ADD2: variants seen among roughly 807,000 people sequenced by gnomAD.
ADD2 encodes adducin 2.
ADD2 carries 23 observed loss-of-function variants against 83.0 expected under a neutral mutation model. The observed-to-expected ratio is 0.28, with a 90% confidence interval of 0.20 to 0.39. The LOEUF (loss-of-function observed/expected upper bound fraction) is 0.39. ADD2 is among the 10% of genes least tolerant of loss of function. ADD2 has a pLI of 1.00. For missense variants in ADD2, 758 were observed against 944.9 expected (o/e 0.80, Z 2.59); for synonymous variants, 375 against 375.4 (o/e 1.00, Z 0.01).
Position 70,663,424 on chromosome 2 carries a change from ATCAGGAC to A in ADD2, c.2175_2181del (p.Glu725AspfsTer3), listed in dbSNP as rs781852208. Reference sequence around the variant, plus strand: ...AGGAGGGAGCCCAAGGGTGTCATGAATCAGGACTCCACTTTCTCCTTCTTTTTGCTCT... The same window carrying A: ...AGGAGGGAGCCCAAGGGTGTCATGAATCCACTTTCTCCTTCTTTTTGCTCT... On this transcript the variant is annotated frameshift_variant and stop_lost, in exon 16 of 16. Transcript: ENST00000264436. LOFTEE classifies it high-confidence loss of function. The A allele has an allele frequency of 3.1e-6, 5 of 1,611,644 alleles. No homozygotes were observed. In the African/African-American group the frequency reaches 6.7e-5, roughly 22 times the overall value.
chr2:70,756,284 G>C (rs1303210694), intron 1 of ADD2, among the ~76,000 whole-genome samples: 1 of 152,062 alleles, frequency 6.6e-6, no homozygotes, highest in Non-Finnish European at 1.5e-5. Context: ...TCAATCACTA[G>C]ATGGGTGTTC....
At chr2:70,747,888 G>A (rs1166039812) in intron 1 of ADD2, among the ~76,000 whole-genome samples, 5 of 152,178 alleles carry the variant, frequency 3.3e-5, no homozygotes, top group East Asian at 3.9e-4. Context: ...ATTGTTTTTT[G>A]TATAGTAGGT....
chr2:70,695,869 G>T, intron 5 of ADD2, 68 bp from the exon 6 acceptor site: 1 of 1,368,838 alleles, frequency 7.3e-7, no homozygotes, highest in Non-Finnish European at 1.0e-6. Flanking sequence ...CACTGTGCTT[G>T]AATCCCCTCT....
chr2:70,766,011 T>C (rs1367883345), intron 1 of ADD2, among the ~76,000 whole-genome samples: 2 of 152,218 alleles, frequency 1.3e-5, no homozygotes, highest in Non-Finnish European at 2.9e-5. Flanking sequence ...ACTGTTAACC[T>C]TAAGAATAGC....
chr2:70,683,699 G>GGGCC lies in ADD2; in HGVS notation c.1013_1016dup (p.His340AlafsTer3). The GGGCC allele has an allele frequency of 6.2e-7, 1 of 1,614,156 alleles. No individual in the cohort carries two copies. Among genetic ancestry groups the GGGCC allele is most frequent in the Non-Finnish European group, 8.5e-7 (1 of 1,180,008 alleles). On this transcript the variant is annotated frameshift_variant, in exon 10 of 16. Coordinates refer to ENST00000264436, the MANE Select transcript of ADD2 (RefSeq NM_001617.4). LOFTEE classifies it high-confidence loss of function. ...CCCACTGCACGGAGCCCACCTCATG[G>GGGCC]GGCCGGTGCTTCTCCTGCTCCAGGA...
chr2:70,714,925 G>C (rs889903057), intron 1 of ADD2, among the ~76,000 whole-genome samples: 5 of 152,152 alleles, frequency 3.3e-5, no homozygotes, highest in Non-Finnish European at 5.9e-5. Context: ...CACCATTCTT[G>C]TAAGAAAGCA....
intron 1 of ADD2, among the ~76,000 whole-genome samples, chr2:70,755,057 G>T (rs1380061868): frequency 6.6e-6 from 1 of 151,980 alleles, no homozygotes; most frequent in African/African-American, 2.4e-5. Flanking sequence ...ATGTGACCTT[G>T]CCCCTGCCTG....
At chr2:70,747,007 A>ATTTTTTTTT (rs34113265) in intron 1 of ADD2, among the ~76,000 whole-genome samples, 2 of 121,226 alleles carry the variant, frequency 1.6e-5, no homozygotes, top group African/African-American at 3.3e-5. Flanking sequence ...TCCAATATGG[A>ATTTTTTTTT]TTTTTTTTTT....
At chr2:70,666,292 C>T (rs977545814) in intron 15 of ADD2, among the ~76,000 whole-genome samples, 6 of 152,220 alleles carry the variant, frequency 3.9e-5, no homozygotes, top group Admixed American at 6.5e-5. Flanking sequence ...TTATTCTAAC[C>T]AAGCCAATAT....
chr2:70,713,056 G>T lies in ADD2; in HGVS notation c.-35+10C>A. The stretch of plus-strand genomic sequence containing the variant: ...ACCCCCGTCACCACCAGAAACTACT[G>T]CTTACTTACCGGGAGGCTGGCCCAG... On this transcript the variant is annotated intron_variant, in intron 2 of 15. Transcript: ENST00000264436. 1 of 981,132 alleles carries T rather than the reference G, an allele frequency of 1.0e-6. No homozygotes were observed. Among genetic ancestry groups the T allele is most frequent in the Non-Finnish European group, 1.2e-6 (1 of 826,070 alleles). 60.8% of individuals were successfully genotyped at this position (981,132 alleles called of 1,614,324 possible).
intron 1 of ADD2, among the ~76,000 whole-genome samples, chr2:70,761,663 C>T (rs1390168292): frequency 7.0e-6 from 1 of 142,094 alleles, no homozygotes; most frequent in African/African-American, 2.6e-5. Flanking sequence ...TATGAAAGAA[C>T]AAATAGACAC....
chr2:70,678,029 T>C (rs2104242328), intron 11 of ADD2, 152 bp from the exon 12 acceptor site: 1 of 1,054,478 alleles, frequency 9.5e-7, no homozygotes, highest in East Asian at 2.5e-5. Flanking sequence ...CTCTTTGATG[T>C]CTGTCTCCAG....
In ADD2 at chr2:70,745,272, C is replaced by A. The variant is rs142335043; in HGVS notation, c.-154+22614G>T. 6.6e-5 allele frequency among the ~76,000 whole-genome samples: 10 copies of A among 151,890 alleles called. 1 individual carries two copies. The East Asian group carries it at 1.4e-3, about 21-fold the overall frequency. ...CTGCACTCCAGCCTGGGCGACAGAG[C>A]GATACTCCGTCTCAAAATAAAAAAA... On this transcript the variant is annotated intron_variant, in intron 1 of 15. Transcript: ENST00000264436.
At chr2:70,722,803 A>C (rs1672795837) in intron 1 of ADD2, among the ~76,000 whole-genome samples, 1 of 152,188 alleles carries the variant, frequency 6.6e-6, no homozygotes. Context: ...GATGAGATAA[A>C]AATGGAAATT....
chr2:70,717,162 A>G (rs1486563591), intron 1 of ADD2, among the ~76,000 whole-genome samples: 2 of 152,016 alleles, frequency 1.3e-5, no homozygotes, highest in Admixed American at 1.3e-4. Context: ...GCCCCTCAGC[A>G]GAGTCCCTGC....
chr2:70,731,351 A>T (rs931002747), intron 1 of ADD2, among the ~76,000 whole-genome samples: 5 of 152,124 alleles, frequency 3.3e-5, no homozygotes, highest in Non-Finnish European at 7.4e-5. Flanking sequence ...GGTAAAGGAG[A>T]TGTGAGCAGA....
intron 9 of ADD2, 94 bp from the exon 10 acceptor site, chr2:70,683,861 AGAG>A (rs1670589556): frequency 7.2e-7 from 1 of 1,388,550 alleles, no homozygotes; most frequent in South Asian, 1.8e-5. Context: ...TGGGGAGTCC[AGAG>A]GAGAACTTAG....
chr2:70,664,385 C>A (rs891528928), intron 15 of ADD2, among the ~76,000 whole-genome samples: 2 of 152,132 alleles, frequency 1.3e-5, no homozygotes, highest in Non-Finnish European at 2.9e-5. Flanking sequence ...GTCGGGATCG[C>A]GGGAATGTTC....
At chr2:70,673,171 T>A in intron 14 of ADD2, 165 bp from the exon 15 acceptor site, 7 of 1,581,964 alleles carry the variant, frequency 4.4e-6, no homozygotes, top group Non-Finnish European at 6.1e-6. Context: ...CTTCTTAGAT[T>A]TCTGCTACTT....
Sources: gnomAD v4.1 joint callset for allele counts (sites outside exome capture counted in the v4.1 genomes callset) on GRCh38, gnomAD v4.1.1 for gene constraint, MANE v1.5 for transcripts, NCBI Gene and HGNC (gene_info 2026-07-23, HGNC 2026-07-21) for gene names.